Variants in PWWP2A observed in about 807,000 individuals in gnomAD.
The protein encoded by PWWP2A is PWWP domain containing 2A.
A neutral mutation model predicts 48.5 loss-of-function variants in PWWP2A; 18 were observed. The ratio of observed to expected loss-of-function variants is 0.37; its 90% CI spans 0.26 to 0.55. The LOEUF is 0.55. Among genes scored for constraint, PWWP2A ranks in the 20% least tolerant of loss-of-function variants. The pLI is 0.81. For synonymous variants in PWWP2A, 396 were observed against 387.7 expected (o/e 1.02, Z -0.25); for missense variants, 867 against 976.4 (o/e 0.89, Z 1.49).
intron 4 of PWWP2A, among the ~76,000 whole-genome samples, chr5:160,066,296 A>AT (rs59262456): frequency 0.093 from 8,805 of 94,786 alleles, 914 homozygotes; most frequent in Non-Finnish European, 0.13. Flanking sequence ...AGTGGTTCTC[A>AT]TTTTTTTTTT....
chr5:160,076,528 TATA>T (rs1213898931), exon 4 of PWWP2A: 3 of 152,214 alleles, frequency 2.0e-5, no homozygotes, highest in Non-Finnish European at 2.9e-5. Context: ...TGATAAAATA[TATA>T]ATGACTTCAT....
Position 160,093,124 on chromosome 5 carries a change from C to G in PWWP2A, c.1526G>C (p.Arg509Pro). The G allele has an allele frequency of 6.2e-7, 1 of 1,613,838 alleles. No individual in the cohort carries two copies. Residue 509 changes from arginine to proline, a missense_variant, in exon 2 of 2, where the codon CGC becomes CCC. Transcript: ENST00000307063. The surrounding 1 kb of genome is among the most constrained non-coding windows in gnomAD (Gnocchi z 5.8). ...SGKMAPKPQS[R>P]CTSTRSAGEA... ...ACCTGCTGAGCGGGTAGAGGTGCAG[C>G]GAGACTGGGGCTTGGGTGCCATCTT...
exon 3 of PWWP2A, chr5:160,080,715 T>C (rs1395262432): frequency 6.3e-7 from 1 of 1,575,668 alleles, no homozygotes; most frequent in East Asian, 2.3e-5. Flanking sequence ...TCAGACACTG[T>C]AAGGGAGCAG....
At chr5:160,103,553 T>G (rs558526583) in intron 1 of PWWP2A, among the ~76,000 whole-genome samples, 1 of 152,208 alleles carries the variant, frequency 6.6e-6, no homozygotes, top group East Asian at 1.9e-4. Context: ...CGGAAGGAAA[T>G]AAATCACCGT....
At chr5:160,057,327 AT>A (rs527685744), downstream of PWWP2A, among the ~76,000 whole-genome samples, 18 of 152,252 alleles carry the variant, frequency 1.2e-4, no homozygotes, top group East Asian at 3.5e-3. This position sits in a 1 kb window ranked among gnomAD's most constrained non-coding sequence, Gnocchi z 4.4. Flanking sequence ...AGTCACAAGA[AT>A]TTTTTGTTTC....
At chr5:160,107,079 G>C (rs1283993597) in intron 1 of PWWP2A, among the ~76,000 whole-genome samples, 1 of 152,044 alleles carries the variant, frequency 6.6e-6, no homozygotes, top group Non-Finnish European at 1.5e-5. Context: ...ACCCACCTTG[G>C]CCTCCCAAAG....
the PWWP2A span, among the ~76,000 whole-genome samples, chr5:160,048,348 C>T: frequency 2.0e-5 from 3 of 151,918 alleles, no homozygotes; most frequent in Non-Finnish European, 4.4e-5. Context: ...GATGGGGTTT[C>T]GCCATGTTGG....
downstream of PWWP2A, among the ~76,000 whole-genome samples, chr5:160,075,186 G>A (rs1356433217): frequency 2.0e-5 from 3 of 152,060 alleles, no homozygotes; most frequent in African/African-American, 4.8e-5. Flanking sequence ...GGTTCTCCCT[G>A]TTCCATTTTC....
chr5:160,057,521 G>A (rs762862685), downstream of PWWP2A, among the ~76,000 whole-genome samples: 8 of 152,164 alleles, frequency 5.3e-5, no homozygotes, highest in Non-Finnish European at 1.5e-5. This position sits in a 1 kb window ranked among gnomAD's most constrained non-coding sequence, Gnocchi z 4.4. Context: ...TTGCCTCCAC[G>A]TGGATGGTTG....
the PWWP2A span, chr5:160,051,117 T>G: frequency 1.3e-6 from 2 of 1,576,198 alleles, no homozygotes; most frequent in South Asian, 2.3e-5. Context: ...TTGTTTCTCC[T>G]CTTTTCCTCA....
the PWWP2A span, among the ~76,000 whole-genome samples, chr5:160,045,530 T>A: frequency 8.2e-4 from 110 of 133,978 alleles, 1 homozygote; most frequent in African/African-American, 2.8e-3. Context: ...ACTCTCTCTC[T>A]CTCTCTCTCT....
intron 1 of PWWP2A, chr5:160,108,602 C>A: frequency 7.8e-7 from 1 of 1,285,068 alleles, no homozygotes; most frequent in Non-Finnish European, 1.0e-6. Context: ...TTGCACCATA[C>A]GTTTCATGGT....
At chr5:160,085,829 T>G (rs954593847) in intron 2 of PWWP2A, among the ~76,000 whole-genome samples, 5 of 148,852 alleles carry the variant, frequency 3.4e-5, no homozygotes, top group South Asian at 2.1e-4. Flanking sequence ...TCTTTTTTTT[T>G]TTGTTTTGAG....
rs1182643392 is a variant in PWWP2A, at chr5:160,085,068, A to G, written c.1550-4298T>C. On this transcript the variant is annotated intron_variant, in intron 2 of 3. Coordinates refer to the PWWP2A transcript ENST00000456329. ...TTTAGAGATGGAGTTTCACTCTGTT[A>G]CCCAGGCTGGAGTGTGGTGGCACAA... Among the ~76,000 whole-genome samples the G allele has an allele frequency of 2.0e-5, 3 of 152,204 alleles. No individual in the cohort carries two copies. In the East Asian group the frequency reaches 5.8e-4, roughly 29 times the overall value.
At chr5:160,108,860 T>A (rs1020535898) in intron 1 of PWWP2A, among the ~76,000 whole-genome samples, 1 of 152,206 alleles carries the variant, frequency 6.6e-6, no homozygotes, top group Non-Finnish European at 1.5e-5. Context: ...AGCATTTTTT[T>A]AAGAGATGGG....
chr5:160,093,813 C>T lies in PWWP2A; in HGVS notation c.837G>A (p.Arg279=), dbSNP rs1225501333. The part of the protein sequence containing the change: ...GAPYPPPLFI[R]DTYNQSIPQP... ...GAGGTATTGATTGGTTATATGTGTC[C>T]CTGATAAACAAAGGGGGAGGATAAG... is the stretch of plus-strand genomic sequence containing the variant. Residue 279 remains arginine, a synonymous_variant, in exon 2 of 2, where the codon AGG becomes AGA. Coordinates refer to ENST00000307063, the MANE Select transcript of PWWP2A (RefSeq NM_001130864.2). The surrounding 1 kb of genome is among the most constrained non-coding windows in gnomAD (Gnocchi z 5.8). The T allele has an allele frequency of 6.2e-7, 1 of 1,613,906 alleles. No individual in the cohort carries two copies.
At chr5:160,094,180 CAT>C in intron 1 of PWWP2A, 115 bp from the exon 2 acceptor site, 1 of 1,254,752 alleles carries the variant, frequency 8.0e-7, no homozygotes, top group Non-Finnish European at 1.1e-6. Flanking sequence ...AAAACTATTT[CAT>C]ATTAAAAAAC....
In PWWP2A at chr5:160,119,045, G is replaced by T; in HGVS notation, c.344C>A (p.Pro115His). The T allele has an allele frequency of 6.3e-7, 1 of 1,594,814 alleles. No homozygotes were observed. Among genetic ancestry groups the T allele is most frequent in the Non-Finnish European group, 8.5e-7 (1 of 1,176,556 alleles). Residue 115 changes from proline (P) to histidine (H), a missense_variant, in exon 1 of 2, where the codon CCT becomes CAT. Transcript: ENST00000307063. ...AAPQGGPELP[P>H]SPASPPEQPP... ...CTGCTCCGGCGGCGATGCAGGAGAA[G>T]GTGGAAGTTCCGGCCCTCCCTGAGG...
intron 1 of PWWP2A, among the ~76,000 whole-genome samples, 174 bp from the exon 2 acceptor site, chr5:160,094,239 T>C (rs923496607): frequency 2.6e-5 from 4 of 152,230 alleles, no homozygotes; most frequent in Non-Finnish European, 4.4e-5. Context: ...TTCAAAGACC[T>C]TCATTTCTTT....
Sources: allele counts gnomAD v4.1 joint callset (sites outside exome capture counted in the v4.1 genomes callset), GRCh38; gene constraint gnomAD v4.1.1; non-coding constraint Gnocchi (gnomAD v3.1); transcripts MANE v1.5; gene names NCBI Gene and HGNC (gene_info 2026-07-23, HGNC 2026-07-21).